Variants in ADK observed in about 807,000 individuals in gnomAD.
ADK encodes the protein N6,N6-dimethyladenosine kinase.
Under a neutral mutation model 44.7 loss-of-function variants are expected in ADK, and 24 were observed. The ratio of observed to expected loss-of-function variants is 0.54; its 90% confidence interval spans 0.39 to 0.76. The LOEUF is 0.76. Among genes scored for constraint, ADK ranks in the 30% least tolerant of loss-of-function variants. The pLI, the probability that ADK is intolerant of heterozygous loss-of-function variation, is 0.00. For synonymous variants in ADK, 128 were observed against 142.6 expected (o/e 0.90, Z 0.73); for missense variants, 321 against 425.1 (o/e 0.76, Z 2.15).
intron 4 of ADK, among the ~76,000 whole-genome samples, chr10:74,374,700 C>T (rs1166910776): frequency 6.6e-6 from 1 of 151,988 alleles, no homozygotes; most frequent in Non-Finnish European, 1.5e-5. Flanking sequence ...ATTATGGACC[C>T]CATCTTTTAC....
At chr10:74,318,217 A>G (rs1840693262) in intron 4 of ADK, among the ~76,000 whole-genome samples, 2 of 152,200 alleles carry the variant, frequency 1.3e-5, no homozygotes, top group South Asian at 4.1e-4. Flanking sequence ...ACTGGAATGT[A>G]GTGGTGTGAT....
intron 1 of ADK, among the ~76,000 whole-genome samples, chr10:74,167,621 G>A (rs950012572): frequency 1.3e-5 from 2 of 152,272 alleles, no homozygotes; most frequent in African/African-American, 4.8e-5. Flanking sequence ...GACTTCTCAC[G>A]TGGCAGCTCC....
intron 4 of ADK, among the ~76,000 whole-genome samples, chr10:74,317,665 A>G (rs1840671350): frequency 2.6e-5 from 4 of 152,170 alleles, no homozygotes; most frequent in African/African-American, 9.7e-5. Context: ...GCAGTACAAT[A>G]TTAACAAAAT....
chr10:74,412,616 G>GGCACTGTAACAAAGTCTGGGAA (rs1844223900), intron 6 of ADK, among the ~76,000 whole-genome samples: 1 of 152,200 alleles, frequency 6.6e-6, no homozygotes, highest in African/African-American at 2.4e-5. Flanking sequence ...CAGAATGAAT[G>GGCACTGTAACAAAGTCTGGGAA]TTGTTTTAGC....
intron 6 of ADK, among the ~76,000 whole-genome samples, chr10:74,467,530 A>G (rs1446287627): frequency 6.6e-6 from 1 of 152,170 alleles, no homozygotes; most frequent in Non-Finnish European, 1.5e-5. Context: ...TTTACTTAAT[A>G]CATTCATTTC....
chr10:74,242,556 G>A (rs1469898657), intron 3 of ADK, among the ~76,000 whole-genome samples: 1 of 117,798 alleles, frequency 8.5e-6, no homozygotes, highest in African/African-American at 4.3e-5. Flanking sequence ...GATGATAGAA[G>A]CAGGAGGCAG....
At chr10:74,240,386 G>GTGTGTGTGTGTGTGTGTGTGTGTGTC (rs1845162153) in intron 3 of ADK, among the ~76,000 whole-genome samples, 5 of 151,452 alleles carry the variant, frequency 3.3e-5, no homozygotes, top group African/African-American at 1.2e-4. Flanking sequence ...GTGTGTGTGT[G>GTGTGTGTGTGTGTGTGTGTGTGTGTC]TGTGTGTGTG....
intron 9 of ADK, among the ~76,000 whole-genome samples, chr10:74,664,356 A>C (rs1854870017): frequency 6.6e-6 from 1 of 152,168 alleles, no homozygotes; most frequent in Non-Finnish European, 1.5e-5. Context: ...ATGCATAGAA[A>C]AATTCTAGAA....
intron 1 of ADK, among the ~76,000 whole-genome samples, chr10:74,188,866 A>G (rs902490146): frequency 3.3e-5 from 5 of 151,714 alleles, no homozygotes; most frequent in Non-Finnish European, 5.9e-5. Context: ...TTCGCCTCCC[A>G]GGTTCAAGCG....
chr10:74,544,360 A>G (rs1849751660), intron 7 of ADK, among the ~76,000 whole-genome samples: 1 of 152,214 alleles, frequency 6.6e-6, no homozygotes, highest in Non-Finnish European at 1.5e-5. Flanking sequence ...TTTAACAATC[A>G]GGAAATTCTG....
At chr10:74,541,790 A>ACCCCCCCC (rs1452468608) in intron 7 of ADK, among the ~76,000 whole-genome samples, 1 of 24,128 alleles carries the variant, frequency 4.1e-5, no homozygotes, top group African/African-American at 1.5e-4. Context: ...GAGAACCCCC[A>ACCCCCCCC]CACACCCCCC....
At chr10:74,527,657 CT>C in intron 7 of ADK, 1 of 943,360 alleles carries the variant, frequency 1.1e-6, no homozygotes, top group Non-Finnish European at 1.8e-6. Context: ...ATTTTGGCAT[CT>C]TCAGCCTACC....
At chr10:74,560,803 CA>C (rs755046216) in intron 7 of ADK, among the ~76,000 whole-genome samples, 1 of 152,044 alleles carries the variant, frequency 6.6e-6, no homozygotes, top group Non-Finnish European at 1.5e-5. Context: ...CTACAAATTA[CA>C]AAATCAGTAA....
chr10:74,402,234 C>T (rs879527223), intron 6 of ADK, among the ~76,000 whole-genome samples: 9 of 152,092 alleles, frequency 5.9e-5, no homozygotes, highest in Non-Finnish European at 8.8e-5. Context: ...TTGCTCTTCT[C>T]GAGGAGTATC....
rs577716472 is a variant in ADK at position 74,516,572 on chromosome 10, G to A, written c.556-8684G>A. Among the ~76,000 whole-genome samples, 15 of 150,302 alleles carry A rather than the reference G, an allele frequency of 1.0e-4. No homozygotes were observed. The South Asian group carries it at 3.2e-3, about 32-fold the overall frequency. ...GGAGTCGCGCCCTGTTGCCCAGGCT[G>A]GAGTGCAATGGTGTGATCTCAGATC... On this transcript the variant is annotated intron_variant, in intron 6 of 10. Transcript: ENST00000539909.
At chr10:74,418,377 A>G (rs1172752483) in intron 6 of ADK, among the ~76,000 whole-genome samples, 2 of 152,054 alleles carry the variant, frequency 1.3e-5, no homozygotes, top group Non-Finnish European at 2.9e-5. Flanking sequence ...TTCCAGTGGA[A>G]TACATTATTA....
intron 7 of ADK, among the ~76,000 whole-genome samples, chr10:74,540,839 A>G (rs540601559): frequency 1.8e-4 from 28 of 152,282 alleles, no homozygotes; most frequent in South Asian, 6.2e-4. Context: ...TCACAGTAGA[A>G]AAAGTGCTAG....
intron 3 of ADK, among the ~76,000 whole-genome samples, chr10:74,231,590 T>C (rs1289261594): frequency 6.7e-6 from 1 of 149,788 alleles, no homozygotes; most frequent in Non-Finnish European, 1.5e-5. Context: ...ATCAGCCTCC[T>C]GAGTATCTGG....
intron 6 of ADK, chr10:74,509,565 T>A (rs1403459984): frequency 6.6e-6 from 1 of 152,200 alleles, no homozygotes; most frequent in Admixed American, 6.5e-5. Flanking sequence ...TCTCAAACAT[T>A]TATCATTTCT....
Sources: allele counts gnomAD v4.1 joint callset (sites outside exome capture counted in the v4.1 genomes callset), GRCh38; gene constraint gnomAD v4.1.1; transcripts MANE v1.5; gene names NCBI Gene and HGNC (gene_info 2026-07-23, HGNC 2026-07-21).